The following ZNF469 variants were observed in gnomAD, a reference collection of about 807,000 sequenced individuals.
The protein encoded by ZNF469 is zinc finger protein 469.
A neutral mutation model predicts 1.0 loss-of-function variants in ZNF469; 1 was observed. That is an observed-to-expected ratio of 1.00 (90% CI 0.35 to 4.73). ZNF469 has a LOEUF of 4.73. Ranked by LOEUF, ZNF469 falls within the 30% of genes most tolerant of loss-of-function variation. The pLI is 0.16. For missense variants in ZNF469, 6,100 were observed against 5,356.3 expected, an observed-to-expected ratio of 1.14 and a Z score of -4.33; for synonymous variants, 2,703 against 2,363.4, an observed-to-expected ratio of 1.14 and a Z score of -4.17.
the ZNF469 span, among the ~76,000 whole-genome samples, chr16:88,258,228 G>A: frequency 2.0e-5 from 3 of 150,036 alleles, no homozygotes; most frequent in East Asian, 5.8e-4. Flanking sequence ...GTGTGTGTGT[G>A]TTAGGGAACA....
the ZNF469 span, among the ~76,000 whole-genome samples, chr16:88,259,087 G>T: frequency 6.6e-6 from 1 of 152,266 alleles, no homozygotes; most frequent in African/African-American, 2.4e-5. This position sits in a 1 kb window ranked among gnomAD's most constrained non-coding sequence, Gnocchi z 4.1. Flanking sequence ...AATGGTATGT[G>T]TGTCTCTTTC....
chr16:88,201,845 G>A, the ZNF469 span, among the ~76,000 whole-genome samples: 2 of 152,218 alleles, frequency 1.3e-5, no homozygotes, highest in Non-Finnish European at 2.9e-5. The surrounding 1 kb of genome is among the most constrained non-coding windows in gnomAD (Gnocchi z 5.0). Context: ...GGCAGGGGTG[G>A]GGGAGCTCTG....
chr16:88,109,156 T>A, the ZNF469 span, among the ~76,000 whole-genome samples: 2 of 152,176 alleles, frequency 1.3e-5, no homozygotes, highest in African/African-American at 4.8e-5. Context: ...TAATGCCTTC[T>A]CCTGGGAGCA....
the ZNF469 span, among the ~76,000 whole-genome samples, chr16:88,308,569 T>C: frequency 6.6e-6 from 1 of 152,118 alleles, no homozygotes; most frequent in Admixed American, 6.6e-5. Context: ...AATCTAGTCC[T>C]CTCCCACTAG....
chr16:88,284,948 C>T, the ZNF469 span, among the ~76,000 whole-genome samples: 12 of 152,378 alleles, frequency 7.9e-5, no homozygotes, highest in African/African-American at 2.6e-4. Context: ...GTGCTGATTG[C>T]ACTGAGATGT....
chr16:88,198,527 G>C, the ZNF469 span, among the ~76,000 whole-genome samples: 1 of 152,212 alleles, frequency 6.6e-6, no homozygotes, highest in Admixed American at 6.5e-5. Flanking sequence ...CAGCTAAGGA[G>C]CTGAATTTTA....
the ZNF469 span, among the ~76,000 whole-genome samples, chr16:88,197,902 G>T: frequency 1.1e-4 from 16 of 152,234 alleles, no homozygotes; most frequent in African/African-American, 3.6e-4. Context: ...AGCAAGGCAG[G>T]CCTGCGTGTC....
chr16:88,347,546 A>G, the ZNF469 span, among the ~76,000 whole-genome samples: 1 of 152,152 alleles, frequency 6.6e-6, no homozygotes, highest in Non-Finnish European at 1.5e-5. Flanking sequence ...TTGGACTTCC[A>G]GCCTCCAGAA....
the ZNF469 span, among the ~76,000 whole-genome samples, chr16:88,123,567 G>T: frequency 6.6e-6 from 1 of 152,110 alleles, no homozygotes; most frequent in Non-Finnish European, 1.5e-5. Context: ...ATTTCTCTTG[G>T]GTGAGGGCCT....
At chr16:88,159,886 A>C in the ZNF469 span, among the ~76,000 whole-genome samples, 2 of 152,168 alleles carry the variant, frequency 1.3e-5, no homozygotes, top group African/African-American at 2.4e-5. Context: ...GTGAGGCGTC[A>C]GCACAGGCTC....
At chr16:88,371,468 G>A in the ZNF469 span, among the ~76,000 whole-genome samples, 1 of 152,200 alleles carries the variant, frequency 6.6e-6, no homozygotes, top group African/African-American at 2.4e-5. Flanking sequence ...AGGCAGATCT[G>A]ATCATCCCCA....
At chr16:88,158,407 A>T in the ZNF469 span, among the ~76,000 whole-genome samples, 1 of 151,906 alleles carries the variant, frequency 6.6e-6, no homozygotes, top group African/African-American at 2.4e-5. Context: ...GCAAGGCGAC[A>T]TCCTGCCATC....
the ZNF469 span, among the ~76,000 whole-genome samples, chr16:88,243,020 G>A: frequency 3.9e-5 from 6 of 152,162 alleles, no homozygotes; most frequent in South Asian, 2.1e-4. Context: ...ATGTCTACCC[G>A]CCTAGTGTCT....
chr16:88,217,334 T>C, the ZNF469 span, among the ~76,000 whole-genome samples: 1 of 152,202 alleles, frequency 6.6e-6, no homozygotes, highest in Non-Finnish European at 1.5e-5. Flanking sequence ...TTGAGCTTTC[T>C]GATCCTTTAG....
At chr16:88,132,868 G>A in the ZNF469 span, among the ~76,000 whole-genome samples, 1 of 152,164 alleles carries the variant, frequency 6.6e-6, no homozygotes, top group East Asian at 1.9e-4. Flanking sequence ...GACATAAACA[G>A]GTCAGCTGAG....
chr16:88,217,462 T>A, the ZNF469 span, among the ~76,000 whole-genome samples: 22 of 152,024 alleles, frequency 1.4e-4, no homozygotes, highest in African/African-American at 5.3e-4. Context: ...TTATTATACT[T>A]TAAGTTTTAG....
chr16:88,214,959 C>A, the ZNF469 span, among the ~76,000 whole-genome samples: 1 of 152,176 alleles, frequency 6.6e-6, no homozygotes, highest in East Asian at 1.9e-4. Context: ...ACTTTATCTG[C>A]AGAAAATGTC....
chr16:88,231,751 C>A, the ZNF469 span, among the ~76,000 whole-genome samples: 1 of 152,192 alleles, frequency 6.6e-6, no homozygotes, highest in African/African-American at 2.4e-5. This position sits in a 1 kb window ranked among gnomAD's most constrained non-coding sequence, Gnocchi z 4.5. Context: ...CACTGAGCCA[C>A]CGGGACAACC....
At chr16:88,420,784 A>T (rs1259996795) in intron 1 of ZNF469, among the ~76,000 whole-genome samples, 1 of 152,108 alleles carries the variant, frequency 6.6e-6, no homozygotes, top group African/African-American at 2.4e-5. Context: ...TGAGGTCAAG[A>T]CTCTGATCAT....
Sources: allele counts gnomAD v4.1 joint callset (sites outside exome capture counted in the v4.1 genomes callset), GRCh38; gene constraint gnomAD v4.1.1; non-coding constraint Gnocchi (gnomAD v3.1); transcripts MANE v1.5; gene names NCBI Gene and HGNC (gene_info 2026-07-23, HGNC 2026-07-21).